UXS1: variants seen among roughly 807,000 people sequenced by gnomAD.
UXS1 encodes UDP-glucuronate decarboxylase 1, also known as UDP-glucuronic acid decarboxylase 1.
A neutral mutation model predicts 62.6 loss-of-function variants in UXS1; 33 were observed. The ratio of observed to expected loss-of-function variants is 0.53; its 90% CI spans 0.40 to 0.70. The LOEUF (loss-of-function observed/expected upper bound fraction) is 0.70, where lower values mean the gene tolerates loss of function less well. UXS1 is among the 30% of genes least tolerant of loss of function. UXS1 has a pLI of 0.00. For synonymous variants in UXS1, 213 were observed against 206.8 expected (o/e 1.03, Z -0.26); for missense variants, 434 against 556.3 (o/e 0.78, Z 2.21).
chr2:106,144,980 G>A lies in UXS1; in HGVS notation c.472+210C>T, dbSNP rs137887141. 1.6e-4 allele frequency among the ~76,000 whole-genome samples: 25 copies of A among 152,296 alleles called. No individual in the cohort carries two copies. The East Asian group carries it at 3.5e-3, about 21-fold the overall frequency. On this transcript the variant is annotated intron_variant, in intron 6 of 14. Transcript: ENST00000283148. ...TGAAGTTCAGGACCAGGGGTGCCACGTAGGAGAGAAGACGGCTATTCACAC... is the reference window on the plus strand; with the variant it reads ...TGAAGTTCAGGACCAGGGGTGCCACATAGGAGAGAAGACGGCTATTCACAC...
intron 5 of UXS1, among the ~76,000 whole-genome samples, chr2:106,153,586 G>C (rs952055355): frequency 6.6e-6 from 1 of 152,094 alleles, no homozygotes; most frequent in Non-Finnish European, 1.5e-5. Flanking sequence ...GTTGGGATGA[G>C]GGCACAGTAT....
chr2:106,107,346 T>C (rs1311649304), intron 10 of UXS1, among the ~76,000 whole-genome samples: 1 of 152,230 alleles, frequency 6.6e-6, no homozygotes, highest in Non-Finnish European at 1.5e-5. Context: ...GTCTTCAGTC[T>C]GATCTAAAGC....
chr2:106,145,329 G>C lies in UXS1; in HGVS notation c.333C>G (p.Asp111Glu). 1 of 1,613,960 alleles carries C rather than the reference G, an allele frequency of 6.2e-7. No homozygotes were observed. The highest frequency in any genetic ancestry group is 8.5e-7 in the Non-Finnish European group (1 of 1,179,874). Residue 111 changes from aspartate to glutamate, a missense_variant, in exon 6 of 15, where the codon GAC becomes GAG. Asp to Glu is a conservative substitution (Grantham distance 45). Transcript: ENST00000283148. ...CCTCGTGGCCGTCCATCATGAGTTT[G>C]TCAGTTAGATGGGAGCCCACGAACC... is the stretch of plus-strand genomic sequence containing the variant. ...GAGFVGSHLTDKLMMDGHEVT... is the reference protein window; with the variant it reads ...GAGFVGSHLTEKLMMDGHEVT...
intron 9 of UXS1, among the ~76,000 whole-genome samples, chr2:106,120,621 C>G (rs1416014473): frequency 6.6e-6 from 1 of 152,210 alleles, no homozygotes; most frequent in South Asian, 2.1e-4. Context: ...AAGTTCCACA[C>G]TCTCCTTCCT....
intron 1 of UXS1, among the ~76,000 whole-genome samples, chr2:106,177,565 C>T (rs1683969020): frequency 6.6e-6 from 1 of 152,178 alleles, no homozygotes; most frequent in South Asian, 2.1e-4. Flanking sequence ...CCAGGTAATA[C>T]GACCTTCCTA....
rs370644054 is a variant in UXS1, at chr2:106,123,040, A to G, written c.689T>C (p.Ile230Thr). ...SEDYWGHVNPIGPRACYDEGK... is the reference protein window; with the variant it reads ...SEDYWGHVNPTGPRACYDEGK... ...TTCATCGTAGCAGGCCCGAGGTCCT[A>G]TTGGATTCACGTGGCCCCAGTAATC... Residue 230 changes from isoleucine (I) to threonine (T), a missense_variant, in exon 9 of 15, where the codon ATA becomes ACA. Coordinates refer to ENST00000283148, the MANE Select transcript of UXS1 (RefSeq NM_001253875.2). 18 of 1,613,908 alleles carry G rather than the reference A, an allele frequency of 1.1e-5. No individual in the cohort carries two copies. Among genetic ancestry groups the G allele is most frequent in the East Asian group, 4.5e-5 (2 of 44,900 alleles).
intron 5 of UXS1, among the ~76,000 whole-genome samples, chr2:106,148,641 C>T (rs1681774879): frequency 6.6e-6 from 1 of 152,116 alleles, no homozygotes; most frequent in South Asian, 2.1e-4. Flanking sequence ...TTCCTTCTAC[C>T]TAAAATACTT....
intron 14 of UXS1, among the ~76,000 whole-genome samples, chr2:106,096,431 G>A (rs1045955100): frequency 1.3e-5 from 2 of 152,160 alleles, no homozygotes; most frequent in Admixed American, 6.5e-5. Flanking sequence ...GTGTTTGTAT[G>A]GCAGTGTATG....
chr2:106,126,357 C>A (rs1558701814), intron 7 of UXS1, among the ~76,000 whole-genome samples: 2 of 151,344 alleles, frequency 1.3e-5, no homozygotes, highest in African/African-American at 4.9e-5. Flanking sequence ...AAGAACCCCC[C>A]TGACCGTCAC....
chr2:106,138,831 T>G, intron 6 of UXS1: 1 of 985,440 alleles, frequency 1.0e-6, no homozygotes, highest in Non-Finnish European at 1.2e-6. Context: ...CCCCTCTCCT[T>G]TGAGAATGTG....
At chr2:106,163,791 T>A (rs1186683000) in intron 3 of UXS1, 81 bp from the exon 4 acceptor site, 3 of 887,406 alleles carry the variant, frequency 3.4e-6, no homozygotes, top group African/African-American at 3.5e-5. Flanking sequence ...ATGTTTCAGA[T>A]AAGGCAAAAC....
At chr2:106,156,146 A>G (rs948552326) in intron 5 of UXS1, among the ~76,000 whole-genome samples, 1 of 152,198 alleles carries the variant, frequency 6.6e-6, no homozygotes, top group South Asian at 2.1e-4. Context: ...AATATACCTG[A>G]TAAGAAACTT....
chr2:106,138,646 T>C, intron 6 of UXS1: 1 of 985,410 alleles, frequency 1.0e-6, no homozygotes, highest in Non-Finnish European at 1.2e-6. Context: ...CCAAAGGCCA[T>C]TCCATCTGGT....
intron 1 of UXS1, among the ~76,000 whole-genome samples, chr2:106,169,158 G>A (rs1683387126): frequency 6.6e-6 from 1 of 152,166 alleles, no homozygotes; most frequent in East Asian, 1.9e-4. Flanking sequence ...TCACCTGTGA[G>A]CCACCAGTTG....
intron 6 of UXS1, 82 bp downstream of exon 6, chr2:106,145,108 C>T: frequency 6.8e-7 from 1 of 1,473,172 alleles, no homozygotes; most frequent in Non-Finnish European, 9.2e-7. Context: ...CTGAGTCAAA[C>T]AGCTTACCCT....
At chr2:106,097,400 G>A (rs1010649698) in intron 13 of UXS1, 1 of 352,068 alleles carries the variant, frequency 2.8e-6, no homozygotes, top group African/African-American at 2.1e-5. Context: ...AGTGACTGTG[G>A]GCCAGACCTG....
chr2:106,107,519 C>G (rs762197858), intron 10 of UXS1, among the ~76,000 whole-genome samples: 2 of 152,168 alleles, frequency 1.3e-5, no homozygotes, highest in Admixed American at 1.3e-4. Context: ...GCCCCCCGAC[C>G]GGGATGGGTT....
chr2:106,128,959 T>C (rs1680201551), intron 7 of UXS1, among the ~76,000 whole-genome samples: 1 of 152,228 alleles, frequency 6.6e-6, no homozygotes, highest in Non-Finnish European at 1.5e-5. Flanking sequence ...GTGGTTCCTT[T>C]CTTCCACTTT....
At chr2:106,148,045 A>G (rs1368859115) in intron 5 of UXS1, among the ~76,000 whole-genome samples, 1 of 152,230 alleles carries the variant, frequency 6.6e-6, no homozygotes, top group Non-Finnish European at 1.5e-5. Flanking sequence ...TGCCTTCAAG[A>G]TAAGAAACTG....
Sources: gnomAD v4.1 joint callset for allele counts (sites outside exome capture counted in the v4.1 genomes callset) on GRCh38, gnomAD v4.1.1 for gene constraint, MANE v1.5 for transcripts, NCBI Gene and HGNC (gene_info 2026-07-23, HGNC 2026-07-21) for gene names.